Variants in KCNN2 observed in about 807,000 individuals in gnomAD.
KCNN2 encodes potassium calcium-activated channel subfamily N member 2, also known as small conductance calcium-activated potassium channel protein 2.
KCNN2 carries 24 observed loss-of-function variants against 55.5 expected under a neutral mutation model. The observed-to-expected ratio is 0.43, with a 90% CI of 0.31 to 0.61. The LOEUF is 0.61. Among genes scored for constraint, KCNN2 ranks in the 20% least tolerant of loss-of-function variants. KCNN2 has a pLI of 0.08. For synonymous variants in KCNN2, 431 were observed against 336.1 expected, an observed-to-expected ratio of 1.28 and a Z score of -3.09; for missense variants, 754 against 853.6, an observed-to-expected ratio of 0.88 and a Z score of 1.45.
intron 5 of KCNN2, 42 bp from the exon 6 acceptor site, chr5:114,487,008 T>TG: frequency 4.3e-6 from 7 of 1,609,806 alleles, no homozygotes; most frequent in Non-Finnish European, 5.9e-6. Flanking sequence ...CAAAGGATTC[T>TG]GCTCTGGAAT....
intron 1 of KCNN2, among the ~76,000 whole-genome samples, chr5:114,058,982 A>G (rs1750267810): frequency 6.6e-6 from 1 of 152,164 alleles, no homozygotes; most frequent in Admixed American, 6.5e-5. Flanking sequence ...TCCTCTTGCC[A>G]GGAAATGTCC....
At chr5:114,420,064 C>T (rs1224930738) in intron 3 of KCNN2, among the ~76,000 whole-genome samples, 1 of 152,222 alleles carries the variant, frequency 6.6e-6, no homozygotes, top group East Asian at 1.9e-4. Flanking sequence ...TTGCTCTGAT[C>T]TCTTGAGGAA....
chr5:114,104,417 T>A (rs1440860410), intron 1 of KCNN2, among the ~76,000 whole-genome samples: 2 of 152,132 alleles, frequency 1.3e-5, no homozygotes. Flanking sequence ...CATGTCTCTA[T>A]CAGTTCTGCT....
At chr5:114,088,581 CTCA>C (rs1273622136) in intron 1 of KCNN2, among the ~76,000 whole-genome samples, 1 of 151,938 alleles carries the variant, frequency 6.6e-6, no homozygotes, top group African/African-American at 2.4e-5. Flanking sequence ...ATCTGTTAAG[CTCA>C]TCGAGTGTAT....
intron 6 of KCNN2, among the ~76,000 whole-genome samples, chr5:114,488,441 A>G (rs573296569): frequency 2.4e-4 from 37 of 152,322 alleles, no homozygotes; most frequent in African/African-American, 8.7e-4. Context: ...TAGAGTTTTC[A>G]AATAATACTC....
At chr5:114,337,960 A>G (rs969728235) in intron 2 of KCNN2, among the ~76,000 whole-genome samples, 2 of 152,178 alleles carry the variant, frequency 1.3e-5, no homozygotes, top group East Asian at 3.8e-4. Context: ...AAAATATTAA[A>G]TACACTGAAT....
At chr5:114,265,163 A>G (rs944811862) in intron 2 of KCNN2, among the ~76,000 whole-genome samples, 2 of 152,128 alleles carry the variant, frequency 1.3e-5, no homozygotes, top group East Asian at 1.9e-4. Context: ...TAACTTTTCT[A>G]TATCCCCAAA....
intron 2 of KCNN2, among the ~76,000 whole-genome samples, chr5:114,403,532 G>A (rs1758846657): frequency 6.6e-6 from 1 of 152,180 alleles, no homozygotes; most frequent in Non-Finnish European, 1.5e-5. Context: ...CTAAGTGTCA[G>A]TATCCCTTGC....
At chr5:114,240,322 A>C (rs1251406731) in intron 2 of KCNN2, among the ~76,000 whole-genome samples, 1 of 152,018 alleles carries the variant, frequency 6.6e-6, no homozygotes, top group Non-Finnish European at 1.5e-5. Flanking sequence ...AAAGCTTATA[A>C]AATAAGAATA....
chr5:114,282,751 A>G (rs143918226), intron 2 of KCNN2, among the ~76,000 whole-genome samples: 2 of 152,290 alleles, frequency 1.3e-5, no homozygotes, highest in East Asian at 3.9e-4. Context: ...GCTTTGTGTA[A>G]CATTGGATTT....
At chr5:114,056,411 G>A (rs984978949) in exon 1 of KCNN2, 14 of 398,622 alleles carry the variant, frequency 3.5e-5, no homozygotes, top group African/African-American at 2.9e-4. Flanking sequence ...CTTCAGCTTT[G>A]TCCACTGGCG....
chr5:114,267,489 G>A (rs550214825), intron 2 of KCNN2, among the ~76,000 whole-genome samples: 74 of 152,180 alleles, frequency 4.9e-4, no homozygotes, highest in African/African-American at 1.7e-3. Context: ...TATATCAAGG[G>A]AAAAATAATT....
chr5:114,218,079 G>A (rs537411581), intron 1 of KCNN2, among the ~76,000 whole-genome samples: 2 of 152,286 alleles, frequency 1.3e-5, no homozygotes, highest in Admixed American at 1.3e-4. Flanking sequence ...TTAAAATCCA[G>A]AATGCTGACA....
At chr5:114,128,128 G>A (rs932555326) in intron 1 of KCNN2, among the ~76,000 whole-genome samples, 5 of 152,050 alleles carry the variant, frequency 3.3e-5, no homozygotes, top group African/African-American at 1.2e-4. Flanking sequence ...ACATTTTTGA[G>A]TATCTTTATA....
intron 1 of KCNN2, among the ~76,000 whole-genome samples, chr5:114,073,265 C>G (rs1180178864): frequency 6.6e-6 from 1 of 152,164 alleles, no homozygotes; most frequent in Non-Finnish European, 1.5e-5. Context: ...CACAGATAAT[C>G]CTGTGGGATG....
chr5:114,209,582 A>G (rs1753838078), intron 1 of KCNN2, among the ~76,000 whole-genome samples: 1 of 152,112 alleles, frequency 6.6e-6, no homozygotes, highest in Non-Finnish European at 1.5e-5. Flanking sequence ...AACTGGAAAA[A>G]ATTATAGGAT....
At chr5:114,152,212 C>T (rs765998707) in intron 1 of KCNN2, among the ~76,000 whole-genome samples, 1 of 151,848 alleles carries the variant, frequency 6.6e-6, no homozygotes, top group Non-Finnish European at 1.5e-5. Flanking sequence ...AAATGGTGCC[C>T]CACCCACCCT....
intron 1 of KCNN2, among the ~76,000 whole-genome samples, chr5:114,097,948 A>T (rs1411179300): frequency 6.6e-6 from 1 of 152,138 alleles, no homozygotes; most frequent in Non-Finnish European, 1.5e-5. Context: ...CAACATGTTT[A>T]TTTTCCTACA....
At chr5:114,463,289 C>A in intron 4 of KCNN2, 99 bp downstream of exon 4, 1 of 895,814 alleles carries the variant, frequency 1.1e-6, no homozygotes, top group Non-Finnish European at 1.7e-6. Context: ...TACTTCTTTT[C>A]CCATCAGCAG....
Sources: allele counts gnomAD v4.1 joint callset (sites outside exome capture counted in the v4.1 genomes callset), GRCh38; gene constraint gnomAD v4.1.1; transcripts MANE v1.5; gene names NCBI Gene and HGNC (gene_info 2026-07-23, HGNC 2026-07-21).